RAB27A: variants seen among roughly 807,000 people sequenced by gnomAD.
The protein encoded by RAB27A is ras-related protein Rab-27A.
RAB27A carries 17 observed loss-of-function variants against 20.8 expected under a neutral mutation model. That is an observed-to-expected ratio of 0.82 (90% CI 0.56 to 1.23). The LOEUF is 1.23. Among genes scored for constraint, RAB27A ranks in the 50% most tolerant of loss-of-function variants. RAB27A has a pLI of 0.00. For synonymous variants in RAB27A, 85 were observed against 92.8 expected (o/e 0.92, Z 0.48); for missense variants, 277 against 266.7 (o/e 1.04, Z -0.27).
intron 6 of RAB27A, among the ~76,000 whole-genome samples, chr15:55,221,607 T>G (rs947583925): frequency 2.0e-5 from 3 of 152,104 alleles, no homozygotes; most frequent in Non-Finnish European, 2.9e-5. Flanking sequence ...TGCCCAGGCT[T>G]TGTAATGAGT....
At chr15:55,219,533 G>A (rs1419883589) in intron 6 of RAB27A, among the ~76,000 whole-genome samples, 2 of 152,134 alleles carry the variant, frequency 1.3e-5, no homozygotes, top group South Asian at 2.1e-4. Context: ...ACATTTGTGG[G>A]CTCCAACCCA....
intron 2 of RAB27A, among the ~76,000 whole-genome samples, chr15:55,311,370 C>G (rs188862268): frequency 1.2e-3 from 186 of 152,256 alleles, no homozygotes; most frequent in Admixed American, 1.8e-3. Context: ...GGGCCGAATT[C>G]TCCTCCCACT....
chr15:55,317,282 T>C (rs1355593362), intron 1 of RAB27A: 2 of 154,816 alleles, frequency 1.3e-5, no homozygotes, highest in African/African-American at 4.8e-5. Flanking sequence ...AAGCAATTAT[T>C]ACAGTTCATC....
At chr15:55,233,521 AT>A (rs1896130219) in intron 3 of RAB27A, among the ~76,000 whole-genome samples, 1 of 152,346 alleles carries the variant, frequency 6.6e-6, no homozygotes, top group Admixed American at 6.5e-5. Flanking sequence ...GTCCTGATAC[AT>A]GCTACAACAT....
intron 6 of RAB27A, among the ~76,000 whole-genome samples, chr15:55,206,786 G>A (rs1350544857): frequency 6.6e-6 from 1 of 152,002 alleles, no homozygotes; most frequent in Non-Finnish European, 1.5e-5. Context: ...TCTTAATATA[G>A]CTATAAAAGC....
intron 2 of RAB27A, among the ~76,000 whole-genome samples, chr15:55,312,140 C>T (rs767814511): frequency 1.3e-5 from 2 of 152,230 alleles, no homozygotes; most frequent in Admixed American, 6.5e-5. Context: ...GCCTTCAGTC[C>T]GATCAGGAGT....
Position 55,232,274 on chromosome 15 carries a change from C to T in RAB27A, c.154-1788G>A, listed in dbSNP as rs1037987707. ...CTTCAGTAGCTGCATACAAAGAATA[C>T]AGATTTTGCAGAATTATCCCAGAAA... On this transcript the variant is annotated intron_variant, in intron 3 of 6. Coordinates refer to ENST00000336787, the MANE Select transcript of RAB27A (RefSeq NM_183235.3). Among the ~76,000 whole-genome samples the T allele has an allele frequency of 5.9e-5, 9 of 152,268 alleles. No homozygotes were observed. In the South Asian group the frequency reaches 1.0e-3, roughly 18 times the overall value.
At chr15:55,206,103 G>T (rs113048797) in intron 6 of RAB27A, among the ~76,000 whole-genome samples, 1 of 151,986 alleles carries the variant, frequency 6.6e-6, no homozygotes, top group African/African-American at 2.4e-5. Flanking sequence ...CCCAGCTACT[G>T]GGGAGGCTGA....
chr15:55,225,532 G>A (rs1895762422), intron 5 of RAB27A, among the ~76,000 whole-genome samples: 1 of 152,192 alleles, frequency 6.6e-6, no homozygotes, highest in Admixed American at 6.5e-5. Context: ...TGCTGGAAAT[G>A]GGGCTAGAAA....
intron 2 of RAB27A, among the ~76,000 whole-genome samples, chr15:55,311,857 A>AT (rs1196310708): frequency 6.6e-6 from 1 of 152,010 alleles, no homozygotes; most frequent in African/African-American, 2.4e-5. Context: ...TGCTTTGGAG[A>AT]TCCCTTCGTG....
At chr15:55,279,264 C>T (rs541060380) in intron 1 of RAB27A, among the ~76,000 whole-genome samples, 4 of 152,310 alleles carry the variant, frequency 2.6e-5, no homozygotes, top group Admixed American at 2.6e-4. Flanking sequence ...CAGGACAACA[C>T]AGAACCTCAG....
chr15:55,284,869 C>G (rs1595748056), intron 1 of RAB27A, among the ~76,000 whole-genome samples: 1 of 152,168 alleles, frequency 6.6e-6, no homozygotes, highest in Non-Finnish European at 1.5e-5. Context: ...ATGAAATGTT[C>G]TCTAACTTCC....
intron 6 of RAB27A, among the ~76,000 whole-genome samples, chr15:55,221,130 G>T (rs772124007): frequency 5.9e-5 from 9 of 152,192 alleles, no homozygotes; most frequent in Non-Finnish European, 1.0e-4. Flanking sequence ...AACCAGACAG[G>T]CTGTGGAATC....
intron 1 of RAB27A, among the ~76,000 whole-genome samples, chr15:55,285,140 T>C (rs1898114070): frequency 6.6e-6 from 1 of 152,172 alleles, no homozygotes; most frequent in Non-Finnish European, 1.5e-5. Flanking sequence ...TATTTAGTGT[T>C]TTTCTGCAAT....
At chr15:55,310,479 A>AT (rs1227137808) in intron 2 of RAB27A, among the ~76,000 whole-genome samples, 3 of 152,152 alleles carry the variant, frequency 2.0e-5, no homozygotes, top group African/African-American at 7.2e-5. Flanking sequence ...TTCCCTTGAC[A>AT]TAAGGGGCAT....
intron 2 of RAB27A, among the ~76,000 whole-genome samples, chr15:55,312,223 C>T (rs1179226584): frequency 4.6e-5 from 7 of 152,140 alleles, no homozygotes; most frequent in East Asian, 1.9e-4. Context: ...AAGTCAGCGG[C>T]GGGTCTGCGA....
intron 1 of RAB27A, among the ~76,000 whole-genome samples, chr15:55,314,942 C>A (rs1267425482): frequency 6.6e-6 from 1 of 152,038 alleles, no homozygotes; most frequent in African/African-American, 2.4e-5. Flanking sequence ...CAAAAAAGAG[C>A]CCATATAGCC....
At chr15:55,278,583 C>T (rs897179512) in intron 1 of RAB27A, among the ~76,000 whole-genome samples, 7 of 151,748 alleles carry the variant, frequency 4.6e-5, no homozygotes, top group African/African-American at 9.7e-5. Context: ...CCTGGGTTCA[C>T]GCCATTCGCC....
chr15:55,301,284 G>A (rs979790993), intron 2 of RAB27A, among the ~76,000 whole-genome samples: 1 of 152,084 alleles, frequency 6.6e-6, no homozygotes, highest in Non-Finnish European at 1.5e-5. Context: ...GTAGAGACAG[G>A]TTCAACATAT....
Sources: gnomAD v4.1 joint callset for allele counts (sites outside exome capture counted in the v4.1 genomes callset) on GRCh38, gnomAD v4.1.1 for gene constraint, MANE v1.5 for transcripts, NCBI Gene and HGNC (gene_info 2026-07-23, HGNC 2026-07-21) for gene names.